PAK1: variants seen among roughly 807,000 people sequenced by gnomAD.
The protein encoded by PAK1 is serine/threonine-protein kinase PAK 1.
PAK1 carries 29 observed loss-of-function variants against 67.4 expected under a neutral mutation model. That is an observed-to-expected ratio of 0.43 (90% CI 0.32 to 0.59). The LOEUF (loss-of-function observed/expected upper bound fraction) is 0.59. Among genes scored for constraint, PAK1 ranks in the 20% least tolerant of loss-of-function variants. The pLI is 0.07. For synonymous variants in PAK1, 223 were observed against 237.4 expected, an observed-to-expected ratio of 0.94 and a Z score of 0.56; for missense variants, 337 against 670.7, an observed-to-expected ratio of 0.50 and a Z score of 5.50.
At chr11:77,452,363 T>G (rs1396732082) in intron 1 of PAK1, among the ~76,000 whole-genome samples, 4 of 152,200 alleles carry the variant, frequency 2.6e-5, no homozygotes. Context: ...ACAATTCCTC[T>G]TACACTTGCC....
intron 1 of PAK1, among the ~76,000 whole-genome samples, chr11:77,451,428 T>C (rs1006275028): frequency 6.6e-6 from 1 of 152,126 alleles, no homozygotes; most frequent in Admixed American, 6.5e-5. Flanking sequence ...CATACCGCCT[T>C]TGTCCAATCA....
intron 5 of PAK1, among the ~76,000 whole-genome samples, chr11:77,363,080 G>T (rs1947021016): frequency 6.6e-6 from 1 of 152,108 alleles, no homozygotes; most frequent in Non-Finnish European, 1.5e-5. Context: ...AGGCTCCAAG[G>T]TTCAGCTAAG....
Position 77,355,832 on chromosome 11 carries a change from C to T in PAK1, c.608G>A (p.Arg203Gln), listed in dbSNP as rs765038017. ...GACAGGAAGTGGTTCAATCACAGACCGTGTGTATACCTGCATTATTAGTGC... is the reference window on the plus strand; with the variant it reads ...GACAGGAAGTGGTTCAATCACAGACTGTGTGTATACCTGCATTATTAGTGC... Reference protein sequence around the residue: ...RPEHTKSVYTRSVIEPLPVTP... With the variant: ...RPEHTKSVYTQSVIEPLPVTP... Residue 203 changes from arginine to glutamine, a missense_variant, in exon 7 of 15, where the codon CGG becomes CAG. By Grantham distance (43) the Arg-to-Gln change is conservative. Transcript: ENST00000356341. 20 of 1,613,068 alleles carry T rather than the reference C, an allele frequency of 1.2e-5. No homozygotes were observed. In the Admixed American group the frequency reaches 1.3e-4, roughly 11 times the overall value.
rs574940607 is a variant in PAK1 at position 77,328,527 on chromosome 11, G to A, written c.1551+4203C>T. Among the ~76,000 whole-genome samples the A allele has an allele frequency of 2.0e-3, 304 of 152,232 alleles. 2 individuals carry two copies. The highest frequency in any genetic ancestry group is 7.0e-3 in the African/African-American group (289 of 41,540). On this transcript the variant is annotated intron_variant, in intron 14 of 14. Transcript: ENST00000356341. ...CATGGAAACTGAACAACCTGCTCCCGAATGACTACTGGGTAAATAATGAAA... is the reference window on the plus strand; with the variant it reads ...CATGGAAACTGAACAACCTGCTCCCAAATGACTACTGGGTAAATAATGAAA...
At chr11:77,515,441 G>A in the PAK1 span, among the ~76,000 whole-genome samples, 4 of 152,168 alleles carry the variant, frequency 2.6e-5, no homozygotes, top group Admixed American at 1.3e-4. Flanking sequence ...AGTAAACCCC[G>A]TGCATGATTT....
the PAK1 span, chr11:77,514,971 T>C: frequency 2.0e-5 from 3 of 152,196 alleles, no homozygotes; most frequent in Non-Finnish European, 4.4e-5. Flanking sequence ...TCCTGGAGGA[T>C]ACATTTGAAG....
At chr11:77,527,783 A>T in the PAK1 span, among the ~76,000 whole-genome samples, 1 of 152,208 alleles carries the variant, frequency 6.6e-6, no homozygotes, top group Non-Finnish European at 1.5e-5. Flanking sequence ...CCATGTGTTC[A>T]TTATCACCCA....
the PAK1 span, among the ~76,000 whole-genome samples, chr11:77,526,946 T>C: frequency 6.7e-6 from 1 of 150,038 alleles, no homozygotes; most frequent in Non-Finnish European, 1.5e-5. Flanking sequence ...GAAAGATACA[T>C]GCTAAAGCCT....
chr11:77,326,750 G>A (rs1591637004), intron 14 of PAK1, among the ~76,000 whole-genome samples: 3 of 152,256 alleles, frequency 2.0e-5, no homozygotes, highest in East Asian at 1.9e-4. Flanking sequence ...CCAAAGGAAC[G>A]CAGCTCCTCA....
intron 1 of PAK1, among the ~76,000 whole-genome samples, chr11:77,463,922 T>C (rs988265058): frequency 6.6e-6 from 1 of 152,188 alleles, no homozygotes; most frequent in Non-Finnish European, 1.5e-5. Context: ...AAGCCACATA[T>C]GTAATCTCAA....
Position 77,374,377 on chromosome 11 carries a change from GA to G in PAK1, c.440-13del. ...CTCAGCTGACTTATCTGCACAGGAAGAAAAACAAGGGACTTAGTCAATAACA... is the reference window on the plus strand; with the variant it reads ...CTCAGCTGACTTATCTGCACAGGAAGAAAACAAGGGACTTAGTCAATAACA... On this transcript the variant is annotated splice_polypyrimidine_tract_variant and intron_variant, in intron 4 of 14. Coordinates refer to ENST00000356341, the MANE Select transcript of PAK1 (RefSeq NM_002576.5). The G allele has an allele frequency of 1.3e-6, 2 of 1,577,012 alleles. No individual in the cohort carries two copies. The highest frequency in any genetic ancestry group is 2.2e-5 in the East Asian group (1 of 44,680).
chr11:77,431,235 A>C (rs1955845557), intron 1 of PAK1, among the ~76,000 whole-genome samples: 2 of 152,220 alleles, frequency 1.3e-5, no homozygotes, highest in Admixed American at 1.3e-4. Flanking sequence ...AACATTTACA[A>C]GATAATTTGC....
the PAK1 span, among the ~76,000 whole-genome samples, chr11:77,481,021 AT>A: frequency 2.0e-5 from 3 of 152,186 alleles, no homozygotes; most frequent in Non-Finnish European, 4.4e-5. Flanking sequence ...TTTGTATAAC[AT>A]CTTTTTAAAC....
At chr11:77,529,607 C>T in the PAK1 span, among the ~76,000 whole-genome samples, 1 of 152,136 alleles carries the variant, frequency 6.6e-6, no homozygotes, top group African/African-American at 2.4e-5. Context: ...TCCAGGGGTT[C>T]ACAATCACCT....
At chr11:77,380,298 A>G (rs1949648577) in intron 2 of PAK1, among the ~76,000 whole-genome samples, 2 of 152,212 alleles carry the variant, frequency 1.3e-5, no homozygotes, top group South Asian at 4.1e-4. Flanking sequence ...GTTCAAGACC[A>G]GCCTAGGCAA....
chr11:77,407,245 T>C (rs1177523092), intron 1 of PAK1, among the ~76,000 whole-genome samples: 1 of 152,184 alleles, frequency 6.6e-6, no homozygotes, highest in Admixed American at 6.5e-5. Context: ...ACTAAAAGTA[T>C]CTTTTATAAT....
At chr11:77,421,531 T>TG in intron 1 of PAK1, among the ~76,000 whole-genome samples, 1 of 152,360 alleles carries the variant, frequency 6.6e-6, no homozygotes, top group African/African-American at 2.4e-5. Flanking sequence ...ATGGAACATA[T>TG]GCTCCACAAA....
the PAK1 span, among the ~76,000 whole-genome samples, chr11:77,498,851 C>A: frequency 1.3e-5 from 2 of 151,912 alleles, no homozygotes; most frequent in Non-Finnish European, 2.9e-5. Context: ...CAGGCACACG[C>A]CACCATGCCA....
chr11:77,350,427 T>C (rs921725164), intron 8 of PAK1, among the ~76,000 whole-genome samples: 5 of 152,132 alleles, frequency 3.3e-5, no homozygotes, highest in African/African-American at 1.2e-4. Flanking sequence ...GCAGAAATAA[T>C]GCTAGGAAAG....
Sources: allele counts gnomAD v4.1 joint callset (sites outside exome capture counted in the v4.1 genomes callset), GRCh38; gene constraint gnomAD v4.1.1; transcripts MANE v1.5; gene names NCBI Gene and HGNC (gene_info 2026-07-23, HGNC 2026-07-21).